ZNF740: variants seen among roughly 807,000 people sequenced by gnomAD.
The protein encoded by ZNF740 is zinc finger protein 740, also known as oriLyt TD-element-binding protein 7.
A neutral mutation model predicts 24.8 loss-of-function variants in ZNF740; 14 were observed. The observed-to-expected ratio is 0.56, with a 90% confidence interval of 0.37 to 0.88. ZNF740 has a LOEUF of 0.88. ZNF740 is among the 40% of genes least tolerant of loss of function. The pLI, the probability that ZNF740 is intolerant of heterozygous loss-of-function variation, is 0.00. For missense variants in ZNF740, 201 were observed against 247.9 expected (o/e 0.81, Z 1.27); for synonymous variants, 69 against 84.0 (o/e 0.82, Z 0.98).
chr12:53,186,256 CT>C, intron 5 of ZNF740, 134 bp from the exon 6 acceptor site: 1 of 1,122,782 alleles, frequency 8.9e-7, no homozygotes. Flanking sequence ...AGACCAGCAC[CT>C]TTGGGGACCT....
chr12:53,184,950 C>G lies in ZNF740; in HGVS notation c.69C>G (p.Ser23Arg). 6.2e-7 allele frequency: 1 copy of G among 1,613,990 alleles called. No homozygotes were observed. The highest frequency in any genetic ancestry group is 8.5e-7 in the Non-Finnish European group (1 of 1,179,894). Residue 23 changes from serine to arginine, a missense_variant, in exon 3 of 7, where the codon AGC (serine) becomes AGG (arginine). By Grantham distance (110) the Ser-to-Arg change is moderately radical (BLOSUM62 -1). Transcript: ENST00000416904. ...TGAGTTTGGTTCCCACTGCAGCCAG[C>G]AAGAAGATGATGCTGAGCCAGATTG... ...AGVSLVPTAA[S>R]KKMMLSQIAS...
chr12:53,192,359 G>T lies in ZNF740; in HGVS notation c.*4769G>T, dbSNP rs536329362. 1 of 1,614,014 alleles carries T rather than the reference G, an allele frequency of 6.2e-7. No individual in the cohort carries two copies. Among genetic ancestry groups the T allele is most frequent in the Non-Finnish European group, 8.5e-7 (1 of 1,180,022 alleles). On this transcript the variant is annotated 3_prime_UTR_variant, in exon 7 of 7. Transcript: ENST00000416904. ...TTGGGGTCTCACTCTGAGCACGACCGTGCCTCTGGCGTCATCCTCCACCAA... is the reference window on the plus strand; with the variant it reads ...TTGGGGTCTCACTCTGAGCACGACCTTGCCTCTGGCGTCATCCTCCACCAA...
In ZNF740 at chr12:53,193,234, T is replaced by C. The variant is rs201186200; in HGVS notation, c.*5644T>C. 6 of 1,614,116 alleles carry C rather than the reference T, an allele frequency of 3.7e-6. No homozygotes were observed. The highest frequency in any genetic ancestry group is 2.2e-5 in the East Asian group (1 of 44,876). ...GTCCACTGCAGCTGCAGCGTCCACATTGACAGTGACCCTTTCCACTGCACA... is the reference window on the plus strand; with the variant it reads ...GTCCACTGCAGCTGCAGCGTCCACACTGACAGTGACCCTTTCCACTGCACA... On this transcript the variant is annotated 3_prime_UTR_variant, in exon 7 of 7. Transcript: ENST00000416904.
At chr12:53,185,567 C>G in intron 4 of ZNF740, 91 bp downstream of exon 4, 1 of 1,210,984 alleles carries the variant, frequency 8.3e-7, no homozygotes, top group Non-Finnish European at 1.2e-6. Context: ...CTGGAGCTTT[C>G]CCTAGATGCT....
Position 53,180,826 on chromosome 12 carries a change from C to G in ZNF740, c.-319C>G. ...CGCGGCCAGGGAGCCAGCGGGAGGC[C>G]GCGCCTGGCAGGTAGGAGCAAGCCC... On this transcript the variant is annotated 5_prime_UTR_variant, in exon 1 of 7. Coordinates refer to ENST00000416904, the MANE Select transcript of ZNF740 (RefSeq NM_001004304.4). 7.9e-7 allele frequency: 1 copy of G among 1,269,774 alleles called. No individual in the cohort carries two copies. Among genetic ancestry groups the G allele is most frequent in the Non-Finnish European group, 1.0e-6 (1 of 981,278 alleles). The allele number at this position is 1,269,774 out of a possible 1,614,324, so 78.7% of individuals were successfully genotyped here.
intron 2 of ZNF740, 41 bp from the exon 3 acceptor site, chr12:53,184,850 C>T: frequency 6.3e-7 from 1 of 1,590,206 alleles, no homozygotes; most frequent in Non-Finnish European, 8.6e-7. Context: ...TTTTGCCCTG[C>T]CCTGCCAGGT....
rs755759595 is a variant in ZNF740 at position 53,191,568 on chromosome 12, A to G, written c.*3978A>G. ...GTCCCTCCCTCCTTCAGAGAGTGGG[A>G]CTGTCTGCCTCTTGAAAGCGAGGAT... On this transcript the variant is annotated 3_prime_UTR_variant, in exon 7 of 7. Transcript: ENST00000416904. 8.1e-6 allele frequency: 13 copies of G among 1,611,850 alleles called. No homozygotes were observed. Among genetic ancestry groups the G allele is most frequent in the Admixed American group, 1.7e-5 (1 of 59,984 alleles).
At position 53,193,454 on chromosome 12, in the gene ZNF740, A is replaced by G; in HGVS notation, c.*5864A>G. ...CAGGAACCTCTAAACCCAAGTTCTC[A>G]AAAGAGTTGGAGACAGACAAACAGC... On this transcript the variant is annotated 3_prime_UTR_variant, in exon 7 of 7. Transcript: ENST00000416904. The G allele has an allele frequency of 1.0e-6, 1 of 970,698 alleles. No individual in the cohort carries two copies. The highest frequency in any genetic ancestry group is 1.8e-5 in the South Asian group (1 of 56,856). 60.1% of individuals were successfully genotyped at this position (970,698 alleles called of 1,614,324 possible).
chr12:53,181,237 C>T (rs1312146340), intron 1 of ZNF740: 1 of 985,472 alleles, frequency 1.0e-6, no homozygotes, highest in Non-Finnish European at 1.2e-6. Context: ...TTCGGGCGGA[C>T]GGGGAGAACG....
chr12:53,194,507 G>A lies in ZNF740; in HGVS notation c.*6917G>A, dbSNP rs551044155. 8.4e-5 allele frequency: 54 copies of A among 641,940 alleles called. No individual in the cohort carries two copies. In the East Asian group the frequency reaches 1.4e-3, roughly 16 times the overall value. 39.8% of individuals were successfully genotyped at this position (641,940 alleles called of 1,614,324 possible). A position where few individuals can be genotyped will look rare whatever the true frequency, so the allele number is the denominator to read the frequency against. ...CGAGGCATTTCTGGAGGGAGGACCC[G>A]TGAGAACCTTGCATAGAACATACAG... On this transcript the variant is annotated 3_prime_UTR_variant, in exon 7 of 7. Coordinates refer to ENST00000416904, the MANE Select transcript of ZNF740 (RefSeq NM_001004304.4).
At position 53,191,946 on chromosome 12, in the gene ZNF740, G is replaced by A. The variant is rs1565697114; in HGVS notation, c.*4356G>A. ...TTTCCACCGAGAGCCGGTAAGCCAG[G>A]ACCAGCCCCAGCCCCACTGCCACGA... On this transcript the variant is annotated 3_prime_UTR_variant, in exon 7 of 7. Transcript: ENST00000416904. 1.2e-6 allele frequency: 2 copies of A among 1,611,512 alleles called. No homozygotes were observed. Among genetic ancestry groups the A allele is most frequent in the East Asian group, 4.5e-5 (2 of 44,872 alleles).
Position 53,191,867 on chromosome 12 carries a change from A to G in ZNF740, c.*4277A>G. On this transcript the variant is annotated 3_prime_UTR_variant, in exon 7 of 7. Transcript: ENST00000416904. ...CCAGGAAGTCTCCTCACCTGCTTCC[A>G]GTTGAGTTGTTGCTGCTCCTTCTCA... 1 of 1,610,070 alleles carries G rather than the reference A, an allele frequency of 6.2e-7. No individual in the cohort carries two copies. The highest frequency in any genetic ancestry group is 8.5e-7 in the Non-Finnish European group (1 of 1,177,964).
At chr12:53,180,953 G>A (rs1941573291) in intron 1 of ZNF740, 116 bp downstream of exon 1, 1 of 870,146 alleles carries the variant, frequency 1.1e-6, no homozygotes, top group African/African-American at 1.9e-5. Context: ...AGGGGCGCGT[G>A]GCGAAGGGAG....
rs1941659813 is a variant in ZNF740 at position 53,181,918 on chromosome 12, G to C, written c.-66G>C. On this transcript the variant is annotated 5_prime_UTR_variant, in exon 2 of 7. Transcript: ENST00000416904. ...TTGGTGACAGTTCTTCAAAACGACAGTGTCTCAAGGAAAGGTGGACCTAGG... is the reference window on the plus strand; with the variant it reads ...TTGGTGACAGTTCTTCAAAACGACACTGTCTCAAGGAAAGGTGGACCTAGG... 1 of 1,579,640 alleles carries C rather than the reference G, an allele frequency of 6.3e-7. No individual in the cohort carries two copies. The highest frequency in any genetic ancestry group is 1.2e-5 in the South Asian group (1 of 86,394).
chr12:53,183,255 A>G (rs1422349453), intron 2 of ZNF740, among the ~76,000 whole-genome samples: 1 of 152,216 alleles, frequency 6.6e-6, no homozygotes, highest in Non-Finnish European at 1.5e-5. Context: ...ACTTTTCATC[A>G]ACCCTGTAAG....
intron 6 of ZNF740, chr12:53,186,788 A>G (rs1387435973): frequency 3.4e-6 from 1 of 297,234 alleles, no homozygotes; most frequent in Non-Finnish European, 6.5e-6. Context: ...TAATCCTCAC[A>G]TTGACTCCCT....
At chr12:53,186,692 A>G (rs1941828163) in intron 6 of ZNF740, 183 bp downstream of exon 6, 1 of 529,856 alleles carries the variant, frequency 1.9e-6, no homozygotes, top group South Asian at 2.5e-5. Context: ...CAATTAGAAC[A>G]TTGTAATAAT....
At chr12:53,184,610 T>C (rs911288225) in intron 2 of ZNF740, among the ~76,000 whole-genome samples, 3 of 152,194 alleles carry the variant, frequency 2.0e-5, no homozygotes, top group Non-Finnish European at 2.9e-5. Context: ...CAAAGAAATA[T>C]GTAGCCACAC....
rs149878080 is a variant in ZNF740 at position 53,194,374 on chromosome 12, G to A, written c.*6784G>A. 4.5e-4 allele frequency: 732 copies of A among 1,611,486 alleles called. No homozygotes were observed. The highest frequency in any genetic ancestry group is 1.1e-3 in the Admixed American group (63 of 59,642). Reference sequence around the variant, plus strand: ...GGGAAGAGAGCGAGTGGATAACCACGTGAAGGCAGAAAAGGACTCCAACCC... The same window carrying A: ...GGGAAGAGAGCGAGTGGATAACCACATGAAGGCAGAAAAGGACTCCAACCC... On this transcript the variant is annotated 3_prime_UTR_variant, in exon 7 of 7. Coordinates refer to ENST00000416904, the MANE Select transcript of ZNF740 (RefSeq NM_001004304.4).
Sources: allele counts gnomAD v4.1 joint callset (sites outside exome capture counted in the v4.1 genomes callset), GRCh38; gene constraint gnomAD v4.1.1; transcripts MANE v1.5; gene names NCBI Gene and HGNC (gene_info 2026-07-23, HGNC 2026-07-21).